Variants in GRIA4 observed in about 807,000 individuals in gnomAD.
The protein encoded by GRIA4 is glutamate receptor 4.
GRIA4 carries 34 observed loss-of-function variants against 104.0 expected under a neutral mutation model. The observed-to-expected ratio is 0.33, with a 90% CI of 0.25 to 0.44. The LOEUF is 0.44. Among genes scored for constraint, GRIA4 ranks in the 20% least tolerant of loss-of-function variants. The pLI is 1.00. For missense variants in GRIA4, 750 were observed against 1,096.5 expected (o/e 0.68, Z 4.46); for synonymous variants, 386 against 381.9 (o/e 1.01, Z -0.13).
At chr11:105,921,463 C>T (rs574150024) in intron 11 of GRIA4, among the ~76,000 whole-genome samples, 7 of 152,224 alleles carry the variant, frequency 4.6e-5, no homozygotes, top group African/African-American at 1.7e-4. Context: ...GGTCATGAAA[C>T]AATGCACATG....
At chr11:105,638,754 A>G (rs1305838671) in intron 3 of GRIA4, among the ~76,000 whole-genome samples, 1 of 151,710 alleles carries the variant, frequency 6.6e-6, no homozygotes, top group African/African-American at 2.4e-5. Context: ...TCATTCTTTC[A>G]CTTTATCTGT....
intron 3 of GRIA4, among the ~76,000 whole-genome samples, chr11:105,697,960 T>C (rs549853703): frequency 6.6e-6 from 1 of 152,270 alleles, no homozygotes; most frequent in East Asian, 1.9e-4. Flanking sequence ...TTAAGTGCCT[T>C]TTCTTATTTT....
At chr11:105,911,944 T>G (rs374607166) in intron 10 of GRIA4, 68 of 1,540,796 alleles carry the variant, frequency 4.4e-5, no homozygotes, top group Non-Finnish European at 5.9e-5. Context: ...GTTCGACCAT[T>G]CCTAACTAAG....
intron 4 of GRIA4, among the ~76,000 whole-genome samples, chr11:105,766,377 T>C (rs1940942132): frequency 6.6e-6 from 1 of 152,190 alleles, no homozygotes; most frequent in Non-Finnish European, 1.5e-5. Context: ...TGCATGGTAG[T>C]TGAAGTTAAT....
At chr11:105,612,624 C>A (rs1213170778) in intron 3 of GRIA4, 190 bp downstream of exon 3, 5 of 519,956 alleles carry the variant, frequency 9.6e-6, no homozygotes, top group East Asian at 3.0e-5. Context: ...TTTTCTTTTC[C>A]TTAATTTATT....
At chr11:105,612,214 G>C in intron 2 of GRIA4, 62 bp from the exon 3 acceptor site, 1 of 1,472,904 alleles carries the variant, frequency 6.8e-7, no homozygotes, top group Non-Finnish European at 9.5e-7. Flanking sequence ...GACTGTGCTT[G>C]GGGTGGGTAT....
chr11:105,758,143 C>CT (rs1940419439), intron 4 of GRIA4, among the ~76,000 whole-genome samples: 1 of 152,110 alleles, frequency 6.6e-6, no homozygotes, highest in South Asian at 2.1e-4. Context: ...ACTCTGGAGG[C>CT]TGAGGTAGGG....
At chr11:105,912,154 A>T in intron 10 of GRIA4, 1 of 1,031,158 alleles carries the variant, frequency 9.7e-7, no homozygotes, top group Non-Finnish European at 1.2e-6. Flanking sequence ...CGATTCTGAC[A>T]TATCAATTCC....
chr11:105,848,902 A>C (rs543449833), intron 4 of GRIA4, among the ~76,000 whole-genome samples: 2 of 152,220 alleles, frequency 1.3e-5, no homozygotes, highest in African/African-American at 4.8e-5. Flanking sequence ...AGTCACCCCC[A>C]CGTCGACCTG....
intron 6 of GRIA4, among the ~76,000 whole-genome samples, chr11:105,896,575 A>G (rs929047651): frequency 6.6e-6 from 1 of 151,990 alleles, no homozygotes; most frequent in African/African-American, 2.4e-5. Context: ...GTAGTCTTTA[A>G]TCTATCTTAA....
intron 5 of GRIA4, among the ~76,000 whole-genome samples, chr11:105,883,211 C>T (rs563046403): frequency 4.0e-5 from 6 of 151,772 alleles, no homozygotes; most frequent in Middle Eastern, 3.5e-3. Context: ...ATAATTGATC[C>T]TTCCTAAGCT....
intron 3 of GRIA4, among the ~76,000 whole-genome samples, chr11:105,689,027 G>A (rs1441663798): frequency 6.6e-6 from 1 of 152,152 alleles, no homozygotes; most frequent in African/African-American, 2.4e-5. Flanking sequence ...CAAAGAGAGA[G>A]AGTGGGGTAG....
At position 105,658,360 on chromosome 11, in the gene GRIA4, A is replaced by C. The variant is rs1951906612; in HGVS notation, c.247+45926A>C. On this transcript the variant is annotated intron_variant, in intron 3 of 16. Coordinates refer to ENST00000282499, the MANE Select transcript of GRIA4 (RefSeq NM_000829.4). ...TTTTAAACCTCTAATTTACATTGTA[A>C]ACATGAATTTCAGAATAACAGGAAC... Among the ~76,000 whole-genome samples the C allele has an allele frequency of 3.3e-5, 5 of 152,018 alleles. 1 individual carries two copies. The South Asian group carries it at 1.0e-3, about 31-fold the overall frequency.
chr11:105,943,199 C>T (rs542443888), intron 14 of GRIA4, among the ~76,000 whole-genome samples: 8 of 152,180 alleles, frequency 5.3e-5, no homozygotes, highest in African/African-American at 1.2e-4. Context: ...AGCATATCTT[C>T]GTTGTGAAAT....
intron 4 of GRIA4, among the ~76,000 whole-genome samples, chr11:105,815,190 C>T (rs1451694848): frequency 6.6e-6 from 1 of 152,142 alleles, no homozygotes; most frequent in Non-Finnish European, 1.5e-5. Context: ...CCTGACATCT[C>T]CAGTTACATG....
chr11:105,799,354 C>T (rs1383430502), intron 4 of GRIA4, among the ~76,000 whole-genome samples: 1 of 151,922 alleles, frequency 6.6e-6, no homozygotes, highest in African/African-American at 2.4e-5. Context: ...CTGAGGATGG[C>T]AGGAATAGAG....
rs574559045 is a variant in GRIA4 at position 105,977,540 on chromosome 11, A to G, written c.2545-2035A>G. ...CTTTAGAAGATTGTGGAAAATGCCA[A>G]TGCTGTAACTGGAGTATTCCATATA... On this transcript the variant is annotated intron_variant, in intron 16 of 16. Coordinates refer to ENST00000282499, the MANE Select transcript of GRIA4 (RefSeq NM_000829.4). Among the ~76,000 whole-genome samples the G allele has an allele frequency of 3.9e-5, 6 of 152,150 alleles. No homozygotes were observed. The South Asian group carries it at 6.2e-4, about 16-fold the overall frequency.
At position 105,628,348 on chromosome 11, in the gene GRIA4, T is replaced by C. The variant is rs1950941577; in HGVS notation, c.247+15914T>C. Among the ~76,000 whole-genome samples the C allele has an allele frequency of 2.0e-5, 3 of 152,230 alleles. No homozygotes were observed. The South Asian group carries it at 6.2e-4, about 32-fold the overall frequency. Reference sequence around the variant, plus strand: ...TGCATCATATATCAGATCTTTCATGTACATATATAATATATACATGCTGAT... The same window carrying C: ...TGCATCATATATCAGATCTTTCATGCACATATATAATATATACATGCTGAT... On this transcript the variant is annotated intron_variant, in intron 3 of 16. Coordinates refer to ENST00000282499, the MANE Select transcript of GRIA4 (RefSeq NM_000829.4).
Position 105,829,455 on chromosome 11 carries a change from C to T in GRIA4, c.488-32569C>T, listed in dbSNP as rs535261849. ...CTGTGGAATGATTTTAATTACCACC[C>T]TTACCTGCCAGTGACAAAAGTGGCA... is the stretch of plus-strand genomic sequence containing the variant. On this transcript the variant is annotated intron_variant, in intron 4 of 16. Coordinates refer to ENST00000282499, the MANE Select transcript of GRIA4 (RefSeq NM_000829.4). Among the ~76,000 whole-genome samples, 4 of 152,092 alleles carry T rather than the reference C, an allele frequency of 2.6e-5. No homozygotes were observed. The East Asian group carries it at 5.8e-4, about 22-fold the overall frequency.
Sources: gnomAD v4.1 joint callset for allele counts (sites outside exome capture counted in the v4.1 genomes callset) on GRCh38, gnomAD v4.1.1 for gene constraint, MANE v1.5 for transcripts, NCBI Gene and HGNC (gene_info 2026-07-23, HGNC 2026-07-21) for gene names.